Variants in ACSM6 observed in about 807,000 individuals in gnomAD.
ACSM6 encodes acyl-coenzyme A synthetase ACSM6, mitochondrial.
A neutral mutation model predicts 51.1 loss-of-function variants in ACSM6; 35 were observed. The ratio of observed to expected loss-of-function variants is 0.69; its 90% CI spans 0.52 to 0.91. The LOEUF is 0.91. Among genes scored for constraint, ACSM6 ranks in the 40% least tolerant of loss-of-function variants. The pLI is 0.00. For synonymous variants in ACSM6, 172 were observed against 207.3 expected, an observed-to-expected ratio of 0.83 and a Z score of 1.46; for missense variants, 509 against 584.1, an observed-to-expected ratio of 0.87 and a Z score of 1.32.
At chr10:95,212,323 T>A (rs2034901237) in intron 6 of ACSM6, among the ~76,000 whole-genome samples, 2 of 152,212 alleles carry the variant, frequency 1.3e-5, no homozygotes, top group Admixed American at 6.5e-5. Context: ...CATTTACTGA[T>A]TACTTACTGG....
At chr10:95,200,359 AG>A (rs1216129893) in intron 2 of ACSM6, among the ~76,000 whole-genome samples, 1 of 44,354 alleles carries the variant, frequency 2.3e-5, no homozygotes, top group Admixed American at 3.3e-4. Context: ...GGGTGGGGGG[AG>A]GGGGGAGGGA....
chr10:95,224,268 C>A (rs183130019), intron 9 of ACSM6, among the ~76,000 whole-genome samples: 38 of 152,234 alleles, frequency 2.5e-4, no homozygotes, highest in Admixed American at 2.5e-3. Context: ...AAAATGAGTA[C>A]GCATATTGCT....
intron 2 of ACSM6, among the ~76,000 whole-genome samples, chr10:95,195,521 ACT>A (rs2034716081): frequency 6.6e-6 from 1 of 152,068 alleles, no homozygotes; most frequent in South Asian, 2.1e-4. Context: ...GGACTTGCTT[ACT>A]CTCTGGCTAG....
chr10:95,228,790 T>C (rs1564593658), exon 11 of ACSM6: 2 of 1,550,692 alleles, frequency 1.3e-6, no homozygotes, highest in Admixed American at 2.0e-5. Context: ...TGTGAATGCT[T>C]TGGTTATTGC....
At chr10:95,211,587 A>G (rs763321674) in intron 5 of ACSM6, among the ~76,000 whole-genome samples, 4 of 152,236 alleles carry the variant, frequency 2.6e-5, no homozygotes, top group African/African-American at 4.8e-5. Flanking sequence ...GACTTAATCA[A>G]TCCATTAATT....
rs1354755709 is a variant in ACSM6 at position 95,225,219 on chromosome 10, A to G, written c.1201-71A>G. On this transcript the variant is annotated intron_variant, in intron 9 of 10. Transcript: ENST00000341686. The stretch of plus-strand genomic sequence containing the variant: ...TGGGGGTAGAAAGGCTTAAGTTTAG[A>G]TCTTGTGGTGTTTTAGGAAGAGCAC... 8 of 1,119,632 alleles carry G rather than the reference A, an allele frequency of 7.1e-6. No individual in the cohort carries two copies. The African/African-American group carries it at 7.8e-5, about 11-fold the overall frequency. The allele number at this position is 1,119,632 out of a possible 1,614,324, so 69.4% of individuals were successfully genotyped here. A position where few individuals can be genotyped will look rare whatever the true frequency, so the allele number is the denominator to read the frequency against.
intron 10 of ACSM6, chr10:95,228,186 AC>A (rs35094077): frequency 0.36 from 54,575 of 153,128 alleles, 10,154 homozygotes; most frequent in Non-Finnish European, 0.39. Context: ...TGGTGTAAGA[AC>A]CTTTAGCTGA....
intron 3 of ACSM6, among the ~76,000 whole-genome samples, chr10:95,202,938 CAAA>C (rs35376103): frequency 2.3e-5 from 2 of 85,892 alleles, no homozygotes; most frequent in African/African-American, 4.5e-5. Flanking sequence ...GGCTCTGTCT[CAAA>C]AAAAAAAAAA....
At chr10:95,212,739 G>T in intron 6 of ACSM6, 119 bp from the exon 7 acceptor site, 1 of 730,360 alleles carries the variant, frequency 1.4e-6, no homozygotes, top group East Asian at 2.6e-5. Context: ...GCATCCCCAA[G>T]CTGAGTTTCA....
At chr10:95,206,317 G>A (rs1335579042) in intron 3 of ACSM6, among the ~76,000 whole-genome samples, 1 of 152,122 alleles carries the variant, frequency 6.6e-6, no homozygotes, top group Non-Finnish European at 1.5e-5. Flanking sequence ...CCATGTTATA[G>A]CATGTGTCAG....
At chr10:95,216,048 C>A (rs1425581617) in intron 8 of ACSM6, among the ~76,000 whole-genome samples, 2 of 152,200 alleles carry the variant, frequency 1.3e-5, no homozygotes, top group Non-Finnish European at 2.9e-5. Flanking sequence ...CCAACCTCAG[C>A]CTCTCAAACA....
In ACSM6 at chr10:95,228,514, C is replaced by T. The variant is rs559398100; in HGVS notation, c.1303-130C>T. On this transcript the variant is annotated intron_variant, in intron 10 of 10. Coordinates refer to ENST00000341686, the Ensembl canonical transcript of ACSM6. ...TTTGTTGAGTTTTCTATGTGAGATC[C>T]CCTGGAGAGTGGGGATCCTGACTTA... 3 of 870,046 alleles carry T rather than the reference C, an allele frequency of 3.4e-6. No individual in the cohort carries two copies. The African/African-American group carries it at 5.2e-5, about 15-fold the overall frequency. The allele number at this position is 870,046 out of a possible 1,614,324, so 53.9% of individuals were successfully genotyped here.
intron 9 of ACSM6, among the ~76,000 whole-genome samples, 170 bp from the exon 10 acceptor site, chr10:95,225,120 C>T (rs2035026016): frequency 6.6e-6 from 1 of 152,306 alleles, no homozygotes; most frequent in Admixed American, 6.5e-5. Context: ...CTCACACTGA[C>T]GACTGAACCA....
exon 8 of ACSM6, chr10:95,214,973 A>C: frequency 6.4e-7 from 1 of 1,551,486 alleles, no homozygotes; most frequent in South Asian, 1.2e-5. Context: ...GCAGACGGAA[A>C]CTGTAGGTTG....
At chr10:95,214,442 A>G (rs1275765299) in intron 7 of ACSM6, among the ~76,000 whole-genome samples, 1 of 152,234 alleles carries the variant, frequency 6.6e-6, no homozygotes, top group East Asian at 1.9e-4. Context: ...CCTAGTTTAT[A>G]AAATTAGTGG....
intron 6 of ACSM6, 120 bp from the exon 7 acceptor site, chr10:95,212,738 A>T: frequency 2.8e-6 from 2 of 727,234 alleles, no homozygotes; most frequent in Non-Finnish European, 4.9e-6. Flanking sequence ...GGCATCCCCA[A>T]GCTGAGTTTC....
At chr10:95,204,644 T>C (rs188972119) in intron 3 of ACSM6, among the ~76,000 whole-genome samples, 1 of 152,322 alleles carries the variant, frequency 6.6e-6, no homozygotes, top group East Asian at 1.9e-4. Context: ...TAAAGATAAC[T>C]GTTTGAAAAC....
chr10:95,195,496 C>T (rs1408605042), intron 2 of ACSM6, among the ~76,000 whole-genome samples: 1 of 152,082 alleles, frequency 6.6e-6, no homozygotes, highest in Non-Finnish European at 1.5e-5. Context: ...TTTGAAAGGC[C>T]CTGCTGTGTG....
intron 8 of ACSM6, among the ~76,000 whole-genome samples, chr10:95,217,740 G>C (rs933333636): frequency 2.0e-5 from 3 of 152,188 alleles, no homozygotes; most frequent in Admixed American, 1.3e-4. Context: ...CCTAGGCTCT[G>C]GGGAGAGGTC....
Sources: gnomAD v4.1 joint callset for allele counts (sites outside exome capture counted in the v4.1 genomes callset) on GRCh38, gnomAD v4.1.1 for gene constraint, MANE v1.5 for transcripts, NCBI Gene and HGNC (gene_info 2026-07-23, HGNC 2026-07-21) for gene names.